The following RNFT2 variants were observed in gnomAD, a reference collection of about 807,000 sequenced individuals.
RNFT2 encodes E3 ubiquitin-protein ligase RNFT2.
In RNFT2, 36 loss-of-function variants were observed where a neutral mutation model predicts 53.0. The ratio of observed to expected loss-of-function variants is 0.68; its 90% CI spans 0.52 to 0.90. The LOEUF (loss-of-function observed/expected upper bound fraction) is 0.90. RNFT2 is among the 40% of genes least tolerant of loss of function. The probability of loss-of-function intolerance (pLI) is 0.00; values close to 1 mark genes in which losing one functional copy is unlikely to be tolerated. For missense variants in RNFT2, 514 were observed against 585.6 expected (o/e 0.88, Z 1.26); for synonymous variants, 260 against 253.2 (o/e 1.03, Z -0.26).
chr12:116,800,988 G>GT (rs1157684528), intron 7 of RNFT2: 7 of 152,252 alleles, frequency 4.6e-5, no homozygotes, highest in African/African-American at 1.7e-4. Context: ...CAGCTGATAC[G>GT]TCTAGGATTC....
At position 116,749,895 on chromosome 12, in the gene RNFT2, T is replaced by C. The variant is rs767437355; in HGVS notation, c.138T>C (p.Phe46=). ...SEASVDEGGV[F]ESLKAEAASP... ...CGAGTGTGGATGAAGGTGGCGTCTT[T>C]GAGAGTCTGAAGGCAGAGGCAGCCT... The change falls in exon 4 of 11, where the codon TTT becomes TTC. Residue 46 remains phenylalanine, a synonymous_variant. Coordinates refer to ENST00000257575, the MANE Select transcript of RNFT2 (RefSeq NM_001382266.1). The C allele has an allele frequency of 1.3e-6, 2 of 1,589,688 alleles. No individual in the cohort carries two copies. The highest frequency in any genetic ancestry group is 1.8e-5 in the Admixed American group (1 of 56,342).
At chr12:116,811,486 G>T (rs1875373687) in intron 7 of RNFT2, among the ~76,000 whole-genome samples, 2 of 151,614 alleles carry the variant, frequency 1.3e-5, no homozygotes, top group Non-Finnish European at 1.5e-5. Context: ...AGCAATCCTT[G>T]TGCCTCAGTC....
At chr12:116,752,761 C>T (rs1181837492) in intron 4 of RNFT2, among the ~76,000 whole-genome samples, 4 of 152,102 alleles carry the variant, frequency 2.6e-5, no homozygotes, top group Admixed American at 2.6e-4. Flanking sequence ...ACCTGTAGTC[C>T]CAGCTACTCG....
chr12:116,750,395 C>T (rs2137073019), intron 4 of RNFT2, 88 bp downstream of exon 4: 1 of 1,303,956 alleles, frequency 7.7e-7, no homozygotes, highest in East Asian at 2.5e-5. Flanking sequence ...TCCTCTGAAG[C>T]CCAGGGAGAG....
At chr12:116,760,973 G>T (rs747545250) in intron 5 of RNFT2, among the ~76,000 whole-genome samples, 7 of 152,060 alleles carry the variant, frequency 4.6e-5, no homozygotes, top group Non-Finnish European at 7.4e-5. Context: ...CCAACTCCCG[G>T]ATTCAAGCAA....
chr12:116,841,966 G>T (rs1194790450), intron 10 of RNFT2, among the ~76,000 whole-genome samples: 276 of 14,644 alleles, frequency 0.019, 7 homozygotes, highest in Non-Finnish European at 0.048. Flanking sequence ...TATAGAGAGA[G>T]AGAGAGAGAG....
At chr12:116,755,655 T>G (rs1184221719) in intron 5 of RNFT2, 2 of 1,378,470 alleles carry the variant, frequency 1.5e-6, no homozygotes, top group Non-Finnish European at 2.0e-6. Context: ...TTTACAACAA[T>G]GCCAACAGCA....
intron 4 of RNFT2, among the ~76,000 whole-genome samples, chr12:116,753,486 C>A (rs1872352418): frequency 6.6e-6 from 1 of 152,168 alleles, no homozygotes; most frequent in South Asian, 2.1e-4. Flanking sequence ...ATCACAAATT[C>A]TATCTGATTC....
intron 7 of RNFT2, among the ~76,000 whole-genome samples, chr12:116,782,726 C>T (rs2137121517): frequency 6.6e-6 from 1 of 152,134 alleles, no homozygotes; most frequent in South Asian, 2.1e-4. Flanking sequence ...GAAGCGGGCA[C>T]TGTTATTCCT....
Position 116,841,956 on chromosome 12 carries a change from TATAGAG to T in RNFT2, c.1200+5676_1200+5681del, listed in dbSNP as rs1429049620. Among the ~76,000 whole-genome samples, 3 of 17,234 alleles carry T rather than the reference TATAGAG, an allele frequency of 1.7e-4. 1 individual carries two copies. The highest frequency in any genetic ancestry group is 2.9e-3 in the South Asian group (2 of 698). 11.3% of individuals were successfully genotyped at this position (17,234 alleles called of 152,430 possible). A position where few individuals can be genotyped will look rare whatever the true frequency, so the allele number is the denominator to read the frequency against. On this transcript the variant is annotated intron_variant, in intron 10 of 10. Transcript: ENST00000257575. ...ATATAAATATATATATAAATATATA[TATAGAG>T]AGAGAGAGAGAGAGAGAGAGAGAGG...
In RNFT2 at chr12:116,750,173, A is replaced by T. The variant is rs763132330; in HGVS notation, c.416A>T (p.Glu139Val). ...HVGGDHRGHSEEGGDEQPGTP... is the reference protein window; with the variant it reads ...HVGGDHRGHSVEGGDEQPGTP... Reference sequence around the variant, plus strand: ...GGTGGGGACCACCGGGGGCACTCGGAGGAGGGAGGCGACGAGCAGCCTGGG... The same window carrying T: ...GGTGGGGACCACCGGGGGCACTCGGTGGAGGGAGGCGACGAGCAGCCTGGG... Residue 139 changes from glutamate to valine, a missense_variant, in exon 4 of 11, where the codon GAG becomes GTG. Glu to Val is a moderately radical substitution (Grantham distance 121). Around this residue, in one of 3 missense-constraint regions of RNFT2, gnomAD observed 237 missense variants for 235.1 expected, o/e 1.01. Coordinates refer to ENST00000257575, the MANE Select transcript of RNFT2 (RefSeq NM_001382266.1). The T allele has an allele frequency of 6.9e-6, 11 of 1,595,570 alleles. No individual in the cohort carries two copies. Among genetic ancestry groups the T allele is most frequent in the Non-Finnish European group, 9.4e-6 (11 of 1,175,924 alleles).
chr12:116,843,026 A>G (rs996363039), intron 10 of RNFT2, among the ~76,000 whole-genome samples: 2 of 151,920 alleles, frequency 1.3e-5, no homozygotes, highest in Non-Finnish European at 2.9e-5. Context: ...CTCCCACTCA[A>G]AGCCTCTTCT....
chr12:116,786,194 T>G (rs1873927847), intron 7 of RNFT2, among the ~76,000 whole-genome samples: 1 of 150,990 alleles, frequency 6.6e-6, no homozygotes, highest in East Asian at 2.0e-4. Flanking sequence ...TGACTTCTGC[T>G]CACTGCAACC....
chr12:116,845,674 T>C (rs770836632), intron 10 of RNFT2, among the ~76,000 whole-genome samples: 10 of 151,982 alleles, frequency 6.6e-5, no homozygotes, highest in Non-Finnish European at 1.3e-4. Flanking sequence ...TAGAGGGTAA[T>C]GGGTGCCATA....
chr12:116,766,760 G>A, intron 5 of RNFT2, 54 bp from the exon 6 acceptor site: 4 of 1,345,908 alleles, frequency 3.0e-6, no homozygotes, highest in South Asian at 1.3e-5. Flanking sequence ...GTACATTCTG[G>A]AAGGTTCTGC....
At chr12:116,780,028 G>A (rs1873617829) in intron 7 of RNFT2, among the ~76,000 whole-genome samples, 1 of 151,888 alleles carries the variant, frequency 6.6e-6, no homozygotes, top group Non-Finnish European at 1.5e-5. Flanking sequence ...AGTGTTTGAA[G>A]TCTCCTGCTT....
intron 6 of RNFT2, among the ~76,000 whole-genome samples, chr12:116,778,851 AAAAC>A (rs1252126461): frequency 6.6e-5 from 10 of 152,334 alleles, no homozygotes; most frequent in Non-Finnish European, 1.3e-4. Flanking sequence ...CTCCATCTCA[AAAAC>A]AAACAAACAA....
chr12:116,834,405 C>T (rs1173810991), intron 8 of RNFT2, among the ~76,000 whole-genome samples: 1 of 152,160 alleles, frequency 6.6e-6, no homozygotes, highest in Admixed American at 6.5e-5. Flanking sequence ...AGGCATGAGC[C>T]ACCACGCCCG....
At chr12:116,808,920 C>T (rs1875224862) in intron 7 of RNFT2, among the ~76,000 whole-genome samples, 2 of 152,168 alleles carry the variant, frequency 1.3e-5, no homozygotes, top group African/African-American at 4.8e-5. Flanking sequence ...TACTTGTCAC[C>T]AGCTCAGATG....
Sources: gnomAD v4.1 joint callset for allele counts (sites outside exome capture counted in the v4.1 genomes callset) on GRCh38, gnomAD v4.1.1 for gene constraint, gnomAD v4.1.1 regional missense constraint, MANE v1.5 for transcripts, NCBI Gene and HGNC (gene_info 2026-07-23, HGNC 2026-07-21) for gene names.